Variants in AGBL4 observed in about 807,000 individuals in gnomAD.
The protein encoded by AGBL4 is AGBL carboxypeptidase 4.
Under a neutral mutation model 66.4 loss-of-function variants are expected in AGBL4, and 58 were observed. The observed-to-expected ratio is 0.87, with a 90% CI of 0.71 to 1.09. The LOEUF (loss-of-function observed/expected upper bound fraction) is 1.09, where lower values mean the gene tolerates loss of function less well. Ranked by LOEUF, AGBL4 falls within the 50% of genes least tolerant of loss-of-function variation. The pLI is 0.00. For missense variants in AGBL4, 579 were observed against 631.0 expected (o/e 0.92, Z 0.88); for synonymous variants, 234 against 222.9 (o/e 1.05, Z -0.44).
chr1:48,765,678 A>G (rs1644494814), intron 6 of AGBL4, among the ~76,000 whole-genome samples: 1 of 152,256 alleles, frequency 6.6e-6, no homozygotes, highest in Non-Finnish European at 1.5e-5. Context: ...CTGTCCATCA[A>G]CTTATGAATG....
At chr1:48,538,448 C>G (rs143637654) in intron 12 of AGBL4, among the ~76,000 whole-genome samples, 2 of 152,160 alleles carry the variant, frequency 1.3e-5, no homozygotes, top group Non-Finnish European at 2.9e-5. Flanking sequence ...AAGAAACTTG[C>G]CTAAGATCCT....
chr1:49,872,423 G>C (rs190312319), intron 1 of AGBL4, among the ~76,000 whole-genome samples: 178 of 152,118 alleles, frequency 1.2e-3, no homozygotes, highest in Admixed American at 2.8e-3. Context: ...AGAACAATGA[G>C]GCTGATCCAT....
intron 5 of AGBL4, among the ~76,000 whole-genome samples, chr1:49,022,729 G>A (rs528709249): frequency 4.5e-4 from 68 of 152,198 alleles, no homozygotes; most frequent in South Asian, 3.5e-3. Flanking sequence ...TGGAAGAATT[G>A]ATTTATTTAA....
intron 3 of AGBL4, among the ~76,000 whole-genome samples, chr1:49,250,446 T>TC (rs957604894): frequency 2.0e-5 from 3 of 148,818 alleles, no homozygotes; most frequent in African/African-American, 7.4e-5. Context: ...ACTAATTTTT[T>TC]TTTTTTTTTT....
At chr1:48,712,989 G>T (rs143756860) in intron 6 of AGBL4, among the ~76,000 whole-genome samples, 1 of 152,294 alleles carries the variant, frequency 6.6e-6, no homozygotes, top group Admixed American at 6.5e-5. Flanking sequence ...ACTCCCAGGG[G>T]TGCAGCATCC....
At chr1:50,003,353 C>G (rs1660907161) in intron 1 of AGBL4, among the ~76,000 whole-genome samples, 1 of 152,182 alleles carries the variant, frequency 6.6e-6, no homozygotes, top group Non-Finnish European at 1.5e-5. Flanking sequence ...GATTGCTTTA[C>G]TATTCTCATC....
At chr1:48,870,273 T>C (rs1648520616) in intron 5 of AGBL4, among the ~76,000 whole-genome samples, 1 of 152,020 alleles carries the variant, frequency 6.6e-6, no homozygotes, top group South Asian at 2.1e-4. Context: ...TATCATGTAC[T>C]GTCTTCCTTG....
At chr1:49,314,969 T>C (rs1321497719) in intron 3 of AGBL4, among the ~76,000 whole-genome samples, 1 of 152,020 alleles carries the variant, frequency 6.6e-6, no homozygotes, top group Non-Finnish European at 1.5e-5. Flanking sequence ...ATTGGCATTT[T>C]TCTAATGACC....
intron 2 of AGBL4, among the ~76,000 whole-genome samples, chr1:49,745,976 T>C (rs1297413058): frequency 2.0e-5 from 3 of 151,930 alleles, no homozygotes; most frequent in Non-Finnish European, 4.4e-5. Context: ...AGACCAGAAA[T>C]TATGCATAAT....
At chr1:49,355,820 G>A (rs1003090693) in intron 3 of AGBL4, among the ~76,000 whole-genome samples, 8 of 152,164 alleles carry the variant, frequency 5.3e-5, no homozygotes, top group African/African-American at 1.9e-4. Context: ...TAATTTTCAT[G>A]TCACTTCCTC....
chr1:48,840,972 G>A (rs1646784354), intron 6 of AGBL4, among the ~76,000 whole-genome samples: 1 of 152,176 alleles, frequency 6.6e-6, no homozygotes, highest in South Asian at 2.1e-4. Flanking sequence ...CACACAATTT[G>A]GATGAATCTC....
intron 4 of AGBL4, among the ~76,000 whole-genome samples, chr1:49,245,257 T>TACACACACACAC: frequency 7.2e-6 from 1 of 139,146 alleles, no homozygotes; most frequent in African/African-American, 2.7e-5. Flanking sequence ...AACTTTAAAA[T>TACACACACACAC]ACACACACAC....
At chr1:49,348,923 G>A (rs1230887312) in intron 3 of AGBL4, among the ~76,000 whole-genome samples, 1 of 152,178 alleles carries the variant, frequency 6.6e-6, no homozygotes, top group Non-Finnish European at 1.5e-5. Context: ...GTGAAAATAA[G>A]TTAATGATAG....
At chr1:49,266,360 C>A (rs1003770031) in intron 3 of AGBL4, 4 of 151,868 alleles carry the variant, frequency 2.6e-5, no homozygotes, top group Non-Finnish European at 5.9e-5. Flanking sequence ...ACTCTTTCTT[C>A]TCCCTTCTCA....
At chr1:49,431,623 A>G (rs1372975733) in intron 3 of AGBL4, among the ~76,000 whole-genome samples, 1 of 152,164 alleles carries the variant, frequency 6.6e-6, no homozygotes, top group East Asian at 1.9e-4. Flanking sequence ...GTACATCTCC[A>G]TTGTACATTT....
intron 5 of AGBL4, among the ~76,000 whole-genome samples, chr1:48,885,742 T>C (rs906982216): frequency 3.3e-5 from 5 of 152,130 alleles, no homozygotes; most frequent in African/African-American, 9.7e-5. Context: ...CATGGGTGCC[T>C]AGAGGCTCCC....
rs188767253 is a variant in AGBL4, at chr1:49,264,319, A to G, written c.283-18455T>C. ...CCCTAATTTAAAATTTAAAAATTTAAATAACTTTAATTCATTTGACACTTT... is the reference window on the plus strand; with the variant it reads ...CCCTAATTTAAAATTTAAAAATTTAGATAACTTTAATTCATTTGACACTTT... On this transcript the variant is annotated intron_variant, in intron 3 of 13. Transcript: ENST00000371839. Among the ~76,000 whole-genome samples, 818 of 152,302 alleles carry G rather than the reference A, an allele frequency of 5.4e-3. 3 individuals are homozygous for G. The highest frequency in any genetic ancestry group is 8.6e-3 in the Admixed American group (132 of 15,300).
At chr1:49,940,625 C>G (rs1654651023) in intron 1 of AGBL4, among the ~76,000 whole-genome samples, 1 of 151,984 alleles carries the variant, frequency 6.6e-6, no homozygotes, top group Non-Finnish European at 1.5e-5. Flanking sequence ...ACCGCATGTT[C>G]TCACTCATAG....
intron 3 of AGBL4, among the ~76,000 whole-genome samples, chr1:49,563,530 G>T (rs1419981574): frequency 3.3e-5 from 5 of 152,058 alleles, no homozygotes; most frequent in African/African-American, 1.2e-4. Flanking sequence ...CGTTGTTGAA[G>T]TTTGTCAAAG....
Sources: allele counts gnomAD v4.1 joint callset (sites outside exome capture counted in the v4.1 genomes callset), GRCh38; gene constraint gnomAD v4.1.1; transcripts MANE v1.5; gene names NCBI Gene and HGNC (gene_info 2026-07-23, HGNC 2026-07-21).